Variants in ARMC2 observed in about 807,000 individuals in gnomAD.
The protein encoded by ARMC2 is armadillo repeat-containing protein 2.
ARMC2 carries 67 observed loss-of-function variants against 90.3 expected under a neutral mutation model. That is an observed-to-expected ratio of 0.74 (90% CI 0.61 to 0.91). ARMC2 has a LOEUF of 0.91. Ranked by LOEUF, ARMC2 falls within the 40% of genes least tolerant of loss-of-function variation. ARMC2 has a pLI of 0.00. For synonymous variants in ARMC2, 393 were observed against 393.0 expected, an observed-to-expected ratio of 1.00 and a Z score of 0.00; for missense variants, 920 against 1,030.9, an observed-to-expected ratio of 0.89 and a Z score of 1.47.
the ARMC2 span, among the ~76,000 whole-genome samples, chr6:109,040,036 C>T: frequency 4.6e-5 from 7 of 152,130 alleles, no homozygotes; most frequent in Non-Finnish European, 7.4e-5. Context: ...TTAGGAACCA[C>T]GACTGGGAAA....
chr6:108,984,682 G>A, the ARMC2 span, among the ~76,000 whole-genome samples: 1 of 152,166 alleles, frequency 6.6e-6, no homozygotes, highest in African/African-American at 2.4e-5. Flanking sequence ...TATTGTAAAT[G>A]GAATTGTTAA....
intron 12 of ARMC2, among the ~76,000 whole-genome samples, chr6:108,940,915 C>G (rs900430081): frequency 6.6e-6 from 1 of 152,102 alleles, no homozygotes; most frequent in Non-Finnish European, 1.5e-5. Context: ...AGGTGAAATC[C>G]TATCTCAGAG....
intron 17 of ARMC2, among the ~76,000 whole-genome samples, chr6:108,965,958 C>A (rs1302035819): frequency 6.6e-6 from 1 of 151,064 alleles, no homozygotes; most frequent in Non-Finnish European, 1.5e-5. Flanking sequence ...TGGCCAGGAT[C>A]ATTTTTTACA....
intron 10 of ARMC2, among the ~76,000 whole-genome samples, chr6:108,913,058 A>G (rs1773601524): frequency 6.6e-6 from 1 of 152,200 alleles, no homozygotes; most frequent in Non-Finnish European, 1.5e-5. Context: ...AACTGGACGC[A>G]TGGAATATAA....
At chr6:108,890,604 G>C (rs1432113234) in intron 5 of ARMC2, among the ~76,000 whole-genome samples, 1 of 151,894 alleles carries the variant, frequency 6.6e-6, no homozygotes, top group Non-Finnish European at 1.5e-5. Context: ...AAGCTAAGTA[G>C]TTCACCCAAG....
chr6:108,962,080 A>G lies in ARMC2; in HGVS notation c.2105A>G (p.Asn702Ser). ...CTGGAGGCTGTGCGTGTTTTCGGAA[A>G]TCTCTCCCAGGACCATGATGTCTGC... ...GILEAVRVFGNLSQDHDVCDF... is the reference protein window; with the variant it reads ...GILEAVRVFGSLSQDHDVCDF... Residue 702 changes from asparagine to serine, a missense_variant, in exon 15 of 18, where the codon AAT (asparagine) becomes AGT (serine). Asn to Ser is a conservative substitution (Grantham distance 46). Coordinates refer to ENST00000392644, the MANE Select transcript of ARMC2 (RefSeq NM_032131.6). 1 of 1,613,502 alleles carries G rather than the reference A, an allele frequency of 6.2e-7. No homozygotes were observed. Among genetic ancestry groups the G allele is most frequent in the Non-Finnish European group, 8.5e-7 (1 of 1,179,720 alleles).
the ARMC2 span, chr6:109,000,308 A>G: frequency 2.2e-6 from 1 of 449,684 alleles, no homozygotes; most frequent in Non-Finnish European, 3.9e-6. Context: ...TACTAGTAAT[A>G]TATCAATTAC....
rs1774314987 is a variant in ARMC2 at position 108,854,352 on chromosome 6, A to T, written c.85A>T (p.Ile29Phe). The change falls in exon 2 of 18, where the codon ATC becomes TTC. Residue 29 changes from isoleucine to phenylalanine, a missense_variant. By Grantham distance (21) the Ile-to-Phe change is conservative (BLOSUM62 0). Coordinates refer to ENST00000392644, the MANE Select transcript of ARMC2 (RefSeq NM_032131.6). ...GTCCAAGCAGAAGACCAGTGCAGAAATCATAAGTGAAGCAAGAAATGCATT... is the reference window on the plus strand; with the variant it reads ...GTCCAAGCAGAAGACCAGTGCAGAATTCATAAGTGAAGCAAGAAATGCATT... ...SVSKQKTSAE[I>F]ISEARNALRT... The T allele has an allele frequency of 3.1e-6, 5 of 1,613,080 alleles. No individual in the cohort carries two copies. Among genetic ancestry groups the T allele is most frequent in the Non-Finnish European group, 4.2e-6 (5 of 1,179,720 alleles).
intron 1 of ARMC2, among the ~76,000 whole-genome samples, chr6:108,849,370 T>C (rs1773770983): frequency 1.3e-5 from 2 of 152,212 alleles, no homozygotes; most frequent in Non-Finnish European, 2.9e-5. Context: ...ATAAAAATTA[T>C]CTGTTTTCAT....
the ARMC2 span, among the ~76,000 whole-genome samples, chr6:109,032,628 T>TG: frequency 7.2e-6 from 1 of 139,492 alleles, no homozygotes; most frequent in Non-Finnish European, 1.5e-5. Flanking sequence ...GTGGGGGGAG[T>TG]GGGGGGGAAG....
chr6:109,000,410 T>C, the ARMC2 span: 1 of 1,104,838 alleles, frequency 9.1e-7, no homozygotes, highest in East Asian at 2.7e-5. Flanking sequence ...CTCTGTACTT[T>C]CTGTGCGATT....
chr6:109,005,586 C>T, the ARMC2 span, among the ~76,000 whole-genome samples: 2 of 152,136 alleles, frequency 1.3e-5, no homozygotes, highest in African/African-American at 4.8e-5. Flanking sequence ...AAGAAGGTGG[C>T]TATGAATGCT....
chr6:109,002,977 T>C, the ARMC2 span, among the ~76,000 whole-genome samples: 1 of 152,126 alleles, frequency 6.6e-6, no homozygotes, highest in African/African-American at 2.4e-5. Flanking sequence ...GCCCATATTA[T>C]ATTTTAGAGA....
the ARMC2 span, among the ~76,000 whole-genome samples, chr6:109,038,979 AAG>A: frequency 4.7e-3 from 719 of 151,394 alleles, 3 homozygotes; most frequent in Middle Eastern, 0.014. Flanking sequence ...GGAAAAGAAA[AAG>A]AAGAAGGAGG....
At chr6:108,864,571 CT>C (rs1308865648) in intron 3 of ARMC2, among the ~76,000 whole-genome samples, 1 of 152,056 alleles carries the variant, frequency 6.6e-6, no homozygotes, top group Non-Finnish European at 1.5e-5. Flanking sequence ...TTAATATTTG[CT>C]TTCTGACTTT....
At chr6:108,884,208 G>A (rs956393487) in intron 5 of ARMC2, among the ~76,000 whole-genome samples, 1 of 152,092 alleles carries the variant, frequency 6.6e-6, no homozygotes, top group African/African-American at 2.4e-5. Context: ...TAGAAGAGTG[G>A]ACCCTGTCCA....
At chr6:108,982,434 A>G in the ARMC2 span, among the ~76,000 whole-genome samples, 2 of 152,318 alleles carry the variant, frequency 1.3e-5, no homozygotes, top group South Asian at 4.1e-4. Context: ...TTACTTCCCA[A>G]AGACCACAGG....
chr6:109,044,557 TAA>T, the ARMC2 span, among the ~76,000 whole-genome samples: 1 of 151,964 alleles, frequency 6.6e-6, no homozygotes, highest in African/African-American at 2.4e-5. Flanking sequence ...GAAGAAAACA[TAA>T]GAGAATATCT....
intron 12 of ARMC2, among the ~76,000 whole-genome samples, chr6:108,938,861 A>G (rs1776197165): frequency 6.6e-6 from 1 of 152,170 alleles, no homozygotes; most frequent in Non-Finnish European, 1.5e-5. Flanking sequence ...TGGAGCTTAG[A>G]TGATGGCCAT....
Sources: allele counts gnomAD v4.1 joint callset (sites outside exome capture counted in the v4.1 genomes callset), GRCh38; gene constraint gnomAD v4.1.1; transcripts MANE v1.5; gene names NCBI Gene and HGNC (gene_info 2026-07-23, HGNC 2026-07-21).